The following KIF3B variants were observed in gnomAD, a reference collection of about 807,000 sequenced individuals.
The protein encoded by KIF3B is kinesin-like protein KIF3B.
A neutral mutation model predicts 74.3 loss-of-function variants in KIF3B; 38 were observed. The ratio of observed to expected loss-of-function variants is 0.51; its 90% confidence interval spans 0.39 to 0.67. The LOEUF is 0.67. Ranked by LOEUF, KIF3B falls within the 30% of genes least tolerant of loss-of-function variation. The pLI, the probability that KIF3B is intolerant of heterozygous loss-of-function variation, is 0.00. For missense variants in KIF3B, 649 were observed against 932.0 expected (o/e 0.70, Z 3.95); for synonymous variants, 326 against 342.5 (o/e 0.95, Z 0.53).
intron 7 of KIF3B, among the ~76,000 whole-genome samples, chr20:32,329,353 T>C (rs963497833): frequency 6.7e-6 from 1 of 149,186 alleles, no homozygotes; most frequent in African/African-American, 2.4e-5. Flanking sequence ...TTTTTTTCTT[T>C]TTTTTTTTTT....
chr20:32,319,582 G>GTTTTTTTT (rs34028388), intron 5 of KIF3B, among the ~76,000 whole-genome samples: 53 of 92,026 alleles, frequency 5.8e-4, no homozygotes, highest in Non-Finnish European at 8.0e-4. Context: ...TTTTGTTTTT[G>GTTTTTTTT]TTTTTTTTTT....
intron 5 of KIF3B, among the ~76,000 whole-genome samples, chr20:32,322,221 C>T (rs1025272450): frequency 1.3e-5 from 2 of 151,948 alleles, no homozygotes; most frequent in African/African-American, 4.8e-5. Flanking sequence ...ATAATTCTTA[C>T]ACTTTTGTTA....
chr20:32,291,259 GT>G (rs2047689939), intron 1 of KIF3B, among the ~76,000 whole-genome samples: 1 of 152,062 alleles, frequency 6.6e-6, no homozygotes, highest in Admixed American at 6.6e-5. Context: ...ATTATGTGGG[GT>G]TTTTTACTGT....
In KIF3B at chr20:32,331,540, T is replaced by C. The variant is rs554290140; in HGVS notation, c.*221T>C. On this transcript the variant is annotated 3_prime_UTR_variant, in exon 9 of 9. Coordinates refer to ENST00000375712, the MANE Select transcript of KIF3B (RefSeq NM_004798.4). ...CATCTTTTAATTAGCATCTCAGAAA[T>C]GCATGGGTAAGGTAAAGTGCGATAG... The C allele has an allele frequency of 3.7e-6, 2 of 546,460 alleles. No individual in the cohort carries two copies. Among genetic ancestry groups the C allele is most frequent in the South Asian group, 2.5e-5 (1 of 39,908 alleles). 33.9% of individuals were successfully genotyped at this position (546,460 alleles called of 1,614,324 possible).
intron 8 of KIF3B, 61 bp downstream of exon 8, chr20:32,330,380 C>G: frequency 6.9e-7 from 1 of 1,452,284 alleles, no homozygotes; most frequent in Non-Finnish European, 9.5e-7. Context: ...CAAACCAAAG[C>G]AAGAATGCTT....
chr20:32,282,390 T>G (rs767212092), intron 1 of KIF3B, among the ~76,000 whole-genome samples: 4 of 152,146 alleles, frequency 2.6e-5, no homozygotes, highest in Non-Finnish European at 5.9e-5. Flanking sequence ...AGGGGCCCTA[T>G]GAGGAAGAAT....
At chr20:32,287,590 A>G (rs1056020488) in intron 1 of KIF3B, among the ~76,000 whole-genome samples, 8 of 152,068 alleles carry the variant, frequency 5.3e-5, no homozygotes, top group Non-Finnish European at 4.4e-5. Context: ...CAAAGTGCTG[A>G]GACTACAAGT....
In KIF3B at chr20:32,310,404, C is replaced by T. The variant is rs765572997; in HGVS notation, c.627C>T (p.Asn209=). 19 of 1,614,062 alleles carry T rather than the reference C, an allele frequency of 1.2e-5. No individual in the cohort carries two copies. Among genetic ancestry groups the T allele is most frequent in the East Asian group, 2.2e-5 (1 of 44,896 alleles). ...QNRSVGATNM[N]EHSSRSHAIF... ...GTTCTGTCGGTGCTACCAACATGAA[C>T]GAGCACAGCTCGCGTTCTCATGCAA... The change falls in exon 2 of 9, where the codon AAC becomes AAT. Residue 209 remains asparagine (N), a synonymous_variant. Coordinates refer to ENST00000375712, the MANE Select transcript of KIF3B (RefSeq NM_004798.4). The surrounding 1 kb of genome is among the most constrained non-coding windows in gnomAD (Gnocchi z 6.5).
intron 1 of KIF3B, among the ~76,000 whole-genome samples, chr20:32,306,939 G>A (rs556789255): frequency 2.0e-4 from 31 of 152,090 alleles, no homozygotes; most frequent in African/African-American, 6.5e-4. Flanking sequence ...CATAGTTCCC[G>A]TGCTAAAGCT....
intron 1 of KIF3B, among the ~76,000 whole-genome samples, chr20:32,300,574 C>T (rs539921832): frequency 2.2e-4 from 33 of 152,204 alleles, no homozygotes; most frequent in Non-Finnish European, 3.8e-4. Context: ...CCGCCGCACC[C>T]GCTGATTTTT....
chr20:32,328,797 G>A (rs1215729033), intron 7 of KIF3B, among the ~76,000 whole-genome samples: 2 of 152,102 alleles, frequency 1.3e-5, no homozygotes, highest in Non-Finnish European at 2.9e-5. Flanking sequence ...CAAAATGTGT[G>A]TCAGTCATGT....
intron 1 of KIF3B, among the ~76,000 whole-genome samples, chr20:32,307,366 T>G (rs955204706): frequency 6.6e-6 from 1 of 152,226 alleles, no homozygotes; most frequent in Non-Finnish European, 1.5e-5. Context: ...ACATTTAGAT[T>G]ACCACCTTCT....
At chr20:32,285,099 C>CAAAAAAAAA (rs11480924) in intron 1 of KIF3B, among the ~76,000 whole-genome samples, 1 of 102,490 alleles carries the variant, frequency 9.8e-6, no homozygotes. Context: ...AAATGATGAC[C>CAAAAAAAAA]AAAAAAAAAA....
At position 32,330,223 on chromosome 20, in the gene KIF3B, T is replaced by A; in HGVS notation, c.2051T>A (p.Val684Asp). 6.2e-7 allele frequency: 1 copy of A among 1,613,828 alleles called. No individual in the cohort carries two copies. Among genetic ancestry groups the A allele is most frequent in the Non-Finnish European group, 8.5e-7 (1 of 1,179,894 alleles). The change falls in exon 8 of 9, where the codon GTC becomes GAC. Residue 684 changes from valine to aspartate, a missense_variant. Physicochemically the swap from Val to Asp is radical, Grantham distance 152 (BLOSUM62 -3). This residue lies in a region of KIF3B where 186 missense variants were observed against 198.5 expected (regional missense o/e 0.94). Transcript: ENST00000375712. Reference protein sequence around the residue: ...DYEGPAIAPKVQAALDAALQD... With the variant: ...DYEGPAIAPKDQAALDAALQD... ...GAGGGTCCAGCCATTGCCCCCAAGG[T>A]CCAGGCTGCATTGGATGCGGCTCTG...
intron 1 of KIF3B, among the ~76,000 whole-genome samples, chr20:32,295,854 CTTTTTTTTTT>C (rs66566110): frequency 9.0e-6 from 1 of 110,870 alleles, no homozygotes; most frequent in Non-Finnish European, 1.8e-5. Flanking sequence ...TTTTTATTAT[CTTTTTTTTTT>C]TTTTTTTTTT....
In KIF3B at chr20:32,316,290, G is replaced by C; in HGVS notation, c.1477G>C (p.Glu493Gln). 6.2e-7 allele frequency: 1 copy of C among 1,613,358 alleles called. No homozygotes were observed. The highest frequency in any genetic ancestry group is 1.1e-5 in the South Asian group (1 of 91,064). The change falls in exon 3 of 9, where the codon GAG (glutamate) becomes CAG (glutamine). Residue 493 changes from glutamate (E) to glutamine (Q), a missense_variant. This residue lies in a region of KIF3B where 363 missense variants were observed against 592.8 expected (regional missense o/e 0.61). Coordinates refer to ENST00000375712, the MANE Select transcript of KIF3B (RefSeq NM_004798.4). ...DHTNEQQKIL[E>Q]QKRQEIAEQK... ...TACGAATGAACAGCAGAAAATCCTG[G>C]AGCAGAAACGACAGGAAATTGCAGA...
chr20:32,285,903 A>C (rs1365086014), intron 1 of KIF3B, among the ~76,000 whole-genome samples: 1 of 152,170 alleles, frequency 6.6e-6, no homozygotes, highest in African/African-American at 2.4e-5. Flanking sequence ...TTCATGTTTA[A>C]GGTTCAGTTA....
At chr20:32,302,359 G>T (rs1027888381) in intron 1 of KIF3B, among the ~76,000 whole-genome samples, 3 of 152,174 alleles carry the variant, frequency 2.0e-5, no homozygotes, top group Non-Finnish European at 2.9e-5. Flanking sequence ...TTTAATTAAG[G>T]GGACTCATGC....
chr20:32,285,880 G>A (rs1365802654), intron 1 of KIF3B, among the ~76,000 whole-genome samples: 1 of 152,192 alleles, frequency 6.6e-6, no homozygotes, highest in Non-Finnish European at 1.5e-5. Context: ...CATCTGCACA[G>A]CAGCTTGGGA....
Sources: allele counts gnomAD v4.1 joint callset (sites outside exome capture counted in the v4.1 genomes callset), GRCh38; gene constraint gnomAD v4.1.1; regional missense constraint gnomAD v4.1.1; non-coding constraint Gnocchi (gnomAD v3.1); transcripts MANE v1.5; gene names NCBI Gene and HGNC (gene_info 2026-07-23, HGNC 2026-07-21).